NRXN3: variants seen among roughly 807,000 people sequenced by gnomAD.
The protein encoded by NRXN3 is neurexin III.
In NRXN3, 32 loss-of-function variants were observed where a neutral mutation model predicts 137.6. The ratio of observed to expected loss-of-function variants is 0.23; its 90% CI spans 0.18 to 0.31. The LOEUF (loss-of-function observed/expected upper bound fraction) is 0.31, where lower values mean the gene tolerates loss of function less well. Among genes scored for constraint, NRXN3 ranks in the 10% least tolerant of loss-of-function variants. NRXN3 has a pLI of 1.00. For missense variants in NRXN3, 1,574 were observed against 2,062.5 expected (o/e 0.76, Z 4.59); for synonymous variants, 798 against 784.5 (o/e 1.02, Z -0.29).
At chr14:79,133,382 C>CA (rs1415418300) in intron 15 of NRXN3, among the ~76,000 whole-genome samples, 1 of 151,998 alleles carries the variant, frequency 6.6e-6, no homozygotes. Flanking sequence ...GACTTGAGCC[C>CA]AGCCGTAATT....
At chr14:78,369,730 G>A (rs2086527742) in intron 4 of NRXN3, among the ~76,000 whole-genome samples, 1 of 152,150 alleles carries the variant, frequency 6.6e-6, no homozygotes, top group Admixed American at 6.5e-5. Context: ...ATAAGCCGGT[G>A]TAGCTTCTGG....
At chr14:79,526,316 C>T (rs1041321292) in intron 16 of NRXN3, among the ~76,000 whole-genome samples, 18 of 152,062 alleles carry the variant, frequency 1.2e-4, no homozygotes, top group South Asian at 6.2e-4. Context: ...CAAAGTGCTG[C>T]GATTACAAGT....
chr14:79,669,422 G>A (rs1461005592), intron 17 of NRXN3, among the ~76,000 whole-genome samples: 1 of 152,052 alleles, frequency 6.6e-6, no homozygotes, highest in Admixed American at 6.6e-5. Context: ...TCAAACTAGT[G>A]TATCTTGAAT....
chr14:79,564,230 C>A (rs890652449), intron 16 of NRXN3, among the ~76,000 whole-genome samples: 2 of 150,580 alleles, frequency 1.3e-5, no homozygotes, highest in Non-Finnish European at 2.9e-5. Flanking sequence ...GGTTTGAGGG[C>A]GAGTCAAGTT....
rs1483558826 is a variant in NRXN3, at chr14:79,316,406, AAAT to A, written c.3263-150813_3263-150811del. ...GGTATCTTGTCTGAGATGATATTAA[AAAT>A]ATTCAACAACCAGTAGGAAATGGAA... On this transcript the variant is annotated intron_variant, in intron 15 of 20. Coordinates refer to ENST00000335750, the MANE Select transcript of NRXN3 (RefSeq NM_001330195.2). 3.3e-5 allele frequency among the ~76,000 whole-genome samples: 5 copies of A among 152,318 alleles called. No individual in the cohort carries two copies. The East Asian group carries it at 9.6e-4, about 29-fold the overall frequency.
At chr14:78,641,671 T>TTA (rs1209340710) in intron 4 of NRXN3, among the ~76,000 whole-genome samples, 1 of 152,192 alleles carries the variant, frequency 6.6e-6, no homozygotes, top group Non-Finnish European at 1.5e-5. Flanking sequence ...CTTGGTAGCC[T>TTA]CCTCTGACTC....
At chr14:78,512,699 C>A (rs945530207) in intron 4 of NRXN3, among the ~76,000 whole-genome samples, 1 of 152,098 alleles carries the variant, frequency 6.6e-6, no homozygotes, top group South Asian at 2.1e-4. Flanking sequence ...AAAGGAAATG[C>A]GACAGATGTG....
intron 19 of NRXN3, among the ~76,000 whole-genome samples, chr14:79,736,189 T>C (rs12590550): frequency 0.13 from 19,824 of 152,222 alleles, 1,460 homozygotes; most frequent in Middle Eastern, 0.23. Flanking sequence ...CAGCACTGTC[T>C]TCTATTTTCT....
At chr14:79,853,839 AT>A (rs2099396907) in intron 20 of NRXN3, 2 of 982,488 alleles carry the variant, frequency 2.0e-6, no homozygotes, top group Non-Finnish European at 2.4e-6. Context: ...GAGTCATAGA[AT>A]TTTTTGAAAG....
At chr14:78,877,306 A>G (rs1413136343) in intron 10 of NRXN3, among the ~76,000 whole-genome samples, 1 of 152,124 alleles carries the variant, frequency 6.6e-6, no homozygotes, top group African/African-American at 2.4e-5. Context: ...TGTTGAATGA[A>G]TATTGGTTAT....
At chr14:79,005,938 T>G (rs2099551739) in intron 15 of NRXN3, among the ~76,000 whole-genome samples, 1 of 152,214 alleles carries the variant, frequency 6.6e-6, no homozygotes, top group African/African-American at 2.4e-5. Context: ...ACATATTTGT[T>G]AATTTTTCTG....
At chr14:78,928,167 G>T (rs1344934242) in intron 10 of NRXN3, among the ~76,000 whole-genome samples, 4 of 152,048 alleles carry the variant, frequency 2.6e-5, no homozygotes, top group South Asian at 2.1e-4. Flanking sequence ...TGCTCTCTGG[G>T]ATCTTCCCCC....
intron 19 of NRXN3, among the ~76,000 whole-genome samples, chr14:79,732,458 C>T (rs2098927547): frequency 6.6e-6 from 1 of 152,104 alleles, no homozygotes; most frequent in East Asian, 1.9e-4. Context: ...GCCTCTCAGG[C>T]TTGTATCTCA....
At chr14:79,158,829 A>G (rs556165906) in intron 15 of NRXN3, among the ~76,000 whole-genome samples, 126 of 151,944 alleles carry the variant, frequency 8.3e-4, no homozygotes, top group African/African-American at 3.0e-3. Flanking sequence ...TGACATTATT[A>G]CCTGAAGAAA....
chr14:79,424,758 A>C (rs1230240359), intron 15 of NRXN3, among the ~76,000 whole-genome samples: 3 of 152,204 alleles, frequency 2.0e-5, no homozygotes, highest in African/African-American at 7.2e-5. Context: ...GTATGTAAAA[A>C]TAGTAGTCCT....
chr14:79,517,936 C>G (rs1358689980), intron 16 of NRXN3, among the ~76,000 whole-genome samples: 1 of 106,310 alleles, frequency 9.4e-6, no homozygotes, highest in Non-Finnish European at 1.7e-5. Context: ...GACAGTGTCT[C>G]AGTTTGTCAT....
At chr14:79,400,668 G>A (rs2095167058) in intron 15 of NRXN3, among the ~76,000 whole-genome samples, 1 of 152,124 alleles carries the variant, frequency 6.6e-6, no homozygotes, top group Non-Finnish European at 1.5e-5. Flanking sequence ...TTTGAAGCCA[G>A]GATGGACCCA....
chr14:79,562,165 TA>T (rs1318622242), intron 16 of NRXN3, among the ~76,000 whole-genome samples: 1 of 152,178 alleles, frequency 6.6e-6, no homozygotes, highest in Non-Finnish European at 1.5e-5. Context: ...AATGCCAGTT[TA>T]AATTACTTGC....
chr14:79,308,150 T>G lies in NRXN3; in HGVS notation c.3263-159071T>G, dbSNP rs373578499. Among the ~76,000 whole-genome samples, 9 of 152,278 alleles carry G rather than the reference T, an allele frequency of 5.9e-5. No homozygotes were observed. The South Asian group carries it at 1.7e-3, about 28-fold the overall frequency. ...TTAAAGGCCCTGTCTTCTAATACAG[T>G]CACATTCTGAGGGGTGTTAGGACTT... On this transcript the variant is annotated intron_variant, in intron 15 of 20. Transcript: ENST00000335750.
Sources: allele counts gnomAD v4.1 joint callset (sites outside exome capture counted in the v4.1 genomes callset), GRCh38; gene constraint gnomAD v4.1.1; transcripts MANE v1.5; gene names NCBI Gene and HGNC (gene_info 2026-07-23, HGNC 2026-07-21).